The following TICRR variants were observed in gnomAD, a reference collection of about 807,000 sequenced individuals.
TICRR encodes TOPBP1 interacting checkpoint and replication regulator.
Under a neutral mutation model 178.1 loss-of-function variants are expected in TICRR, and 132 were observed. The ratio of observed to expected loss-of-function variants is 0.74; its 90% confidence interval spans 0.64 to 0.86. The LOEUF is 0.86. TICRR is among the 40% of genes least tolerant of loss of function. The pLI, the probability that TICRR is intolerant of heterozygous loss-of-function variation, is 0.00. For missense variants in TICRR, 2,587 were observed against 2,334.3 expected (o/e 1.11, Z -2.23); for synonymous variants, 991 against 900.7 (o/e 1.10, Z -1.79).
chr15:89,611,095 T>TCTTAGA (rs1433439141), intron 15 of TICRR, among the ~76,000 whole-genome samples: 4 of 152,266 alleles, frequency 2.6e-5, no homozygotes, highest in African/African-American at 9.6e-5. Context: ...TTTATATTTA[T>TCTTAGA]CTGTCTAGTT....
chr15:89,604,722 G>T (rs935644268), intron 13 of TICRR, among the ~76,000 whole-genome samples: 10 of 142,100 alleles, frequency 7.0e-5, no homozygotes, highest in Non-Finnish European at 1.4e-4. Context: ...AATGAACTAT[G>T]ATGAAGCCAC....
In TICRR at chr15:89,575,755, A is replaced by C; in HGVS notation, c.169A>C (p.Ser57Arg). The change falls in exon 1 of 22, where the codon AGC becomes CGC. Residue 57 changes from serine to arginine, a missense_variant. Physicochemically the swap from Ser to Arg is moderately radical, Grantham distance 110. Coordinates refer to ENST00000268138, the MANE Select transcript of TICRR (RefSeq NM_152259.4). ...FKFFDSQGAR[S>R]RPSRVSDFRE... ...GTTCTTTGACTCGCAGGGGGCGCGG[A>C]GCCGGCCGTCCCGCGTGTCTGACTT... The C allele has an allele frequency of 6.2e-7, 1 of 1,609,418 alleles. No individual in the cohort carries two copies. Among genetic ancestry groups the C allele is most frequent in the Non-Finnish European group, 8.5e-7 (1 of 1,178,852 alleles).
chr15:89,598,431 T>C (rs12898645), intron 7 of TICRR, among the ~76,000 whole-genome samples: 125,509 of 151,982 alleles, frequency 0.83, 52,611 homozygotes, highest in Non-Finnish European at 0.92. Flanking sequence ...GGTGCGGTCT[T>C]GGCTCACTGC....
intron 15 of TICRR, among the ~76,000 whole-genome samples, chr15:89,614,175 T>TTGA (rs1475423992): frequency 1.3e-5 from 2 of 151,946 alleles, no homozygotes; most frequent in Non-Finnish European, 2.9e-5. Flanking sequence ...AATAAATAAA[T>TTGA]AAATAAAGTC....
chr15:89,582,764 T>C lies in TICRR; in HGVS notation c.733T>C (p.Ser245Pro), dbSNP rs1295444725. The change falls in exon 2 of 22, where the codon TCT becomes CCT. Residue 245 changes from serine (S) to proline (P), a missense_variant. By Grantham distance (74) the Ser-to-Pro change is moderately conservative (BLOSUM62 -1). Coordinates refer to ENST00000268138, the MANE Select transcript of TICRR (RefSeq NM_152259.4). ...CCACGGAGGTGGCACTGTCTTGCCA[T>C]CTGAATCTTTCAGCTGGGATTTTGC... Reference protein sequence around the residue: ...LHHGGGTVLPSESFSWDFAQA... With the variant: ...LHHGGGTVLPPESFSWDFAQA... The C allele has an allele frequency of 6.2e-7, 1 of 1,614,130 alleles. No homozygotes were observed. Among genetic ancestry groups the C allele is most frequent in the Non-Finnish European group, 8.5e-7 (1 of 1,179,982 alleles).
At chr15:89,599,735 G>A (rs1230839889) in intron 8 of TICRR, among the ~76,000 whole-genome samples, 4 of 152,166 alleles carry the variant, frequency 2.6e-5, no homozygotes, top group Admixed American at 6.5e-5. Context: ...CCTCATGTGA[G>A]CTATATGTTA....
intron 7 of TICRR, among the ~76,000 whole-genome samples, chr15:89,596,617 G>A (rs1361451646): frequency 1.3e-5 from 2 of 152,150 alleles, no homozygotes; most frequent in African/African-American, 2.4e-5. Context: ...AAAGTGCTGG[G>A]ATTACAAGTG....
chr15:89,598,524 G>A (rs1215233066), intron 7 of TICRR, among the ~76,000 whole-genome samples: 4 of 151,696 alleles, frequency 2.6e-5, no homozygotes, highest in South Asian at 2.1e-4. Context: ...CACTACGCCC[G>A]GGTAATTTTT....
At chr15:89,621,084 A>G (rs930995052) in intron 18 of TICRR, among the ~76,000 whole-genome samples, 5 of 149,656 alleles carry the variant, frequency 3.3e-5, no homozygotes, top group Non-Finnish European at 5.9e-5. Flanking sequence ...CAATGGTGCA[A>G]TGTCGTCTCA....
chr15:89,589,813 T>C (rs1962880612), intron 4 of TICRR, among the ~76,000 whole-genome samples: 1 of 152,094 alleles, frequency 6.6e-6, no homozygotes, highest in African/African-American at 2.4e-5. Flanking sequence ...AAATCTTTGG[T>C]AGTGATAAAA....
rs575762088 is a variant in TICRR, at chr15:89,625,200, C to T, written c.4890C>T (p.Ser1630=). Residue 1630 remains serine (S), a synonymous_variant, in exon 20 of 22, where the codon TCC becomes TCT. Coordinates refer to ENST00000268138, the MANE Select transcript of TICRR (RefSeq NM_152259.4). ...TYVSPPCPRL[S]HSTPGKSRGQ... is the part of the protein sequence containing the mutation. Reference sequence around the variant, plus strand: ...TGTCACCCCCCTGCCCCCGCCTCTCCCACAGCACACCTGGCAAGAGCAGGG... The same window carrying T: ...TGTCACCCCCCTGCCCCCGCCTCTCTCACAGCACACCTGGCAAGAGCAGGG... 113 of 1,613,748 alleles carry T rather than the reference C, an allele frequency of 7.0e-5. No individual in the cohort carries two copies. In the South Asian group the frequency reaches 1.2e-3, roughly 17 times the overall value.
At chr15:89,588,984 C>G (rs1962866523) in intron 4 of TICRR, among the ~76,000 whole-genome samples, 2 of 152,054 alleles carry the variant, frequency 1.3e-5, no homozygotes, top group Admixed American at 1.3e-4. Flanking sequence ...GGAAAAAGAG[C>G]ATGGCGGGGG....
chr15:89,601,419 A>G, intron 10 of TICRR, 28 bp downstream of exon 10: 3 of 1,613,274 alleles, frequency 1.9e-6, no homozygotes, highest in Non-Finnish European at 2.5e-6. Flanking sequence ...TGCCATTGAA[A>G]TACGCCCTAG....
intron 7 of TICRR, 122 bp downstream of exon 7, chr15:89,595,733 G>A (rs1260277257): frequency 4.4e-6 from 3 of 678,014 alleles, no homozygotes; most frequent in Non-Finnish European, 7.5e-6. Flanking sequence ...GGTGAATACA[G>A]TAAATAATAA....
At chr15:89,593,187 G>A (rs1051067754) in intron 5 of TICRR, among the ~76,000 whole-genome samples, 2 of 152,096 alleles carry the variant, frequency 1.3e-5, no homozygotes, top group African/African-American at 4.8e-5. Context: ...GGAGTGCATT[G>A]AATCATAGAT....
intron 4 of TICRR, among the ~76,000 whole-genome samples, chr15:89,590,469 A>G (rs1395493790): frequency 6.6e-6 from 1 of 152,184 alleles, no homozygotes; most frequent in Non-Finnish European, 1.5e-5. Flanking sequence ...AGAAAACTGT[A>G]TTTTGGAATC....
At position 89,627,204 on chromosome 15, in the gene TICRR, A is replaced by AGAAT. The variant is rs1963547727; in HGVS notation, c.*120_*123dup. 5 of 1,268,346 alleles carry AGAAT rather than the reference A, an allele frequency of 3.9e-6. No homozygotes were observed. Among genetic ancestry groups the AGAAT allele is most frequent in the Non-Finnish European group, 5.5e-6 (5 of 904,504 alleles). The allele number at this position is 1,268,346 out of a possible 1,614,324, so 78.6% of individuals were successfully genotyped here. A position where few individuals can be genotyped will look rare whatever the true frequency, so the allele number is the denominator to read the frequency against. ...CATGGTCAGTGTTCAGATTGCCATTAGAATGCCTTAGGGTTTTCTAATTCC... is the reference window on the plus strand; with the variant it reads ...CATGGTCAGTGTTCAGATTGCCATTAGAATGAATGCCTTAGGGTTTTCTAATTCC... On this transcript the variant is annotated 3_prime_UTR_variant, in exon 22 of 22. Transcript: ENST00000268138.
chr15:89,618,099 A>G, intron 16 of TICRR, 53 bp from the exon 17 acceptor site: 2 of 1,555,168 alleles, frequency 1.3e-6, no homozygotes, highest in South Asian at 1.1e-5. Context: ...TCTCCTTAAT[A>G]AGTGTTAATT....
At chr15:89,589,347 C>A (rs4932136) in intron 4 of TICRR, among the ~76,000 whole-genome samples, 8 of 152,016 alleles carry the variant, frequency 5.3e-5, no homozygotes, top group Admixed American at 1.3e-4. Context: ...GGCCCACCCC[C>A]ACTCCTGCCC....
Sources: gnomAD v4.1 joint callset for allele counts (sites outside exome capture counted in the v4.1 genomes callset) on GRCh38, gnomAD v4.1.1 for gene constraint, MANE v1.5 for transcripts, NCBI Gene and HGNC (gene_info 2026-07-23, HGNC 2026-07-21) for gene names.